Variants in AGPAT2 observed in about 807,000 individuals in gnomAD.
AGPAT2 encodes 1-acyl-sn-glycerol-3-phosphate acyltransferase beta.
Under a neutral mutation model 26.1 loss-of-function variants are expected in AGPAT2, and 18 were observed. The ratio of observed to expected loss-of-function variants is 0.69; its 90% CI spans 0.48 to 1.02. The LOEUF is 1.02. AGPAT2 is among the 50% of genes least tolerant of loss of function. The pLI, the probability that AGPAT2 is intolerant of heterozygous loss-of-function variation, is 0.00. For missense variants in AGPAT2, 415 were observed against 394.9 expected (o/e 1.05, Z -0.43); for synonymous variants, 200 against 174.2 (o/e 1.15, Z -1.16).
chr9:136,677,178 A>C (rs1218509292), intron 2 of AGPAT2, 42 bp from the exon 3 acceptor site: 1 of 1,606,922 alleles, frequency 6.2e-7, no homozygotes, highest in Non-Finnish European at 8.5e-7. Flanking sequence ...AGGGGGAGAC[A>C]GCGTGCGCTG....
rs758156274 is a variant in AGPAT2, at chr9:136,677,013, C to T, written c.440G>A (p.Ser147Asn). 3.2e-6 allele frequency: 5 copies of T among 1,580,614 alleles called. No homozygotes were observed. The highest frequency in any genetic ancestry group is 1.4e-5 in the African/African-American group (1 of 73,768). ...GTCGGCCATCACTGTCATGGCAGTG[C>T]TAGAGCGCTGCCGGTTGATGAAGAA... ...GVFFINRQRS[S>N]TAMTVMADLG... The change falls in exon 3 of 6, where the codon AGC becomes AAC. Residue 147 changes from serine (S) to asparagine (N), a missense_variant. Ser to Asn is a conservative substitution (Grantham distance 46). Transcript: ENST00000371696.
At chr9:136,674,861 C>G in intron 4 of AGPAT2, 54 bp from the exon 5 acceptor site, 3 of 1,339,784 alleles carry the variant, frequency 2.2e-6, no homozygotes, top group Non-Finnish European at 3.0e-6. Context: ...GCCAGGCACA[C>G]CCCAGGCTGC....
Position 136,687,387 on chromosome 9 carries a change from A to AGTTC in AGPAT2, c.-31_-30insGAAC. 2 of 1,428,274 alleles carry AGTTC rather than the reference A, an allele frequency of 1.4e-6. No individual in the cohort carries two copies. The highest frequency in any genetic ancestry group is 1.8e-6 in the Non-Finnish European group (2 of 1,098,072). The allele number at this position is 1,428,274 out of a possible 1,614,324, so 88.5% of individuals were successfully genotyped here. The stretch of plus-strand genomic sequence containing the variant: ...CGGCCCGGCGCCCGACGGCGCCGCC[A>AGTTC]GCTCGCTCCCGCTCCCGCTCCCGCT... On this transcript the variant is annotated 5_prime_UTR_variant, in exon 1 of 6. Transcript: ENST00000371696.
intron 5 of AGPAT2, among the ~76,000 whole-genome samples, chr9:136,674,362 G>A (rs1846060312): frequency 6.6e-6 from 1 of 152,124 alleles, no homozygotes. Context: ...AAGAGGTCAT[G>A]AGCCCCGCAG....
chr9:136,675,428 G>GGAGCAGGGAGGGAGGGGGC, intron 4 of AGPAT2, among the ~76,000 whole-genome samples: 1 of 46,920 alleles, frequency 2.1e-5, no homozygotes, highest in Non-Finnish European at 5.6e-5. Context: ...CTGGGGACTG[G>GGAGCAGGGAGGGAGGGGGC]CAGCAGGAAG....
Position 136,687,281 on chromosome 9 carries a change from A to G in AGPAT2, c.77T>C (p.Phe26Ser). 1 of 1,585,902 alleles carries G rather than the reference A, an allele frequency of 6.3e-7. No individual in the cohort carries two copies. The highest frequency in any genetic ancestry group is 8.5e-7 in the Non-Finnish European group (1 of 1,170,468). Residue 26 changes from phenylalanine (F) to serine (S), a missense_variant, in exon 1 of 6, where the codon TTC becomes TCC. Phe to Ser is a radical substitution (Grantham distance 155, BLOSUM62 -2). Coordinates refer to ENST00000371696, the MANE Select transcript of AGPAT2 (RefSeq NM_006412.4). ...LLVQLSRAAE[F>S]YAKVALYCAL... ...GCAGTACAGGGCGACCTTGGCGTAG[A>G]ACTCGGCCGCGCGGCTCAGCTGCAC...
At chr9:136,674,326 C>T (rs1846059578) in intron 5 of AGPAT2, among the ~76,000 whole-genome samples, 1 of 152,158 alleles carries the variant, frequency 6.6e-6, no homozygotes, top group Admixed American at 6.5e-5. Flanking sequence ...CAGGTGCCCA[C>T]GTTCTGGGAA....
intron 1 of AGPAT2, among the ~76,000 whole-genome samples, chr9:136,682,270 C>T (rs1041823006): frequency 7.2e-5 from 11 of 152,190 alleles, no homozygotes; most frequent in East Asian, 3.9e-4. Flanking sequence ...GAGCTTGCTC[C>T]GGCCTCCCCC....
rs1846127838 is a variant in AGPAT2 at position 136,679,020 on chromosome 9, C to G, written c.183-1464G>C. ...CTGCCGACCTCGGCCTCCCAAAGTG[C>G]TGGGCTTACAGGCCTGAGCCAACTC... On this transcript the variant is annotated intron_variant, in intron 1 of 5. Coordinates refer to ENST00000371696, the MANE Select transcript of AGPAT2 (RefSeq NM_006412.4). 1.3e-5 allele frequency among the ~76,000 whole-genome samples: 2 copies of G among 152,170 alleles called. 1 individual carries two copies. The highest frequency in any genetic ancestry group is 4.1e-4 in the South Asian group (2 of 4,830).
At chr9:136,678,968 G>A (rs184661144) in intron 1 of AGPAT2, among the ~76,000 whole-genome samples, 2 of 152,244 alleles carry the variant, frequency 1.3e-5, no homozygotes, top group African/African-American at 4.8e-5. Flanking sequence ...TGGCCAGGCT[G>A]GTCTCGAACT....
intron 2 of AGPAT2, 107 bp downstream of exon 2, chr9:136,677,316 C>T: frequency 6.4e-7 from 1 of 1,572,226 alleles, no homozygotes; most frequent in East Asian, 2.3e-5. Context: ...CGAGCTCGCC[C>T]AGGCACAGGC....
chr9:136,678,220 G>A (rs1846117834), intron 1 of AGPAT2, among the ~76,000 whole-genome samples: 1 of 152,184 alleles, frequency 6.6e-6, no homozygotes, highest in African/African-American at 2.4e-5. Context: ...CAGAGCCAGG[G>A]TCTGGGCCAC....
At chr9:136,684,833 TC>T (rs745663852) in intron 1 of AGPAT2, among the ~76,000 whole-genome samples, 2 of 152,150 alleles carry the variant, frequency 1.3e-5, no homozygotes, top group Non-Finnish European at 2.9e-5. Flanking sequence ...GAATCCCTGT[TC>T]CTGAGGCTGG....
intron 1 of AGPAT2, among the ~76,000 whole-genome samples, chr9:136,681,179 G>A (rs922275909): frequency 1.3e-5 from 2 of 151,778 alleles, no homozygotes; most frequent in South Asian, 2.1e-4. Flanking sequence ...TGAAAGACAC[G>A]GGGTACAAAC....
intron 1 of AGPAT2, among the ~76,000 whole-genome samples, chr9:136,678,530 C>T (rs545976298): frequency 6.6e-6 from 1 of 152,148 alleles, no homozygotes; most frequent in South Asian, 2.1e-4. Flanking sequence ...GGTGGATGGC[C>T]GGGGCAAGGC....
At chr9:136,674,608 C>A (rs550611133) in intron 5 of AGPAT2, 127 bp downstream of exon 5, 1 of 609,974 alleles carries the variant, frequency 1.6e-6, no homozygotes, top group South Asian at 4.1e-5. Flanking sequence ...GTCACTCATT[C>A]GCCACATGGT....
intron 1 of AGPAT2, among the ~76,000 whole-genome samples, chr9:136,686,849 C>T (rs940818200): frequency 6.6e-6 from 1 of 152,264 alleles, no homozygotes; most frequent in Non-Finnish European, 1.5e-5. Flanking sequence ...GACCGGCCCC[C>T]TTTCTCTCCG....
chr9:136,683,597 G>C (rs1846188209), intron 1 of AGPAT2, among the ~76,000 whole-genome samples: 1 of 152,232 alleles, frequency 6.6e-6, no homozygotes, highest in Non-Finnish European at 1.5e-5. Context: ...GGGTCCATAG[G>C]GGTGCGGGGT....
chr9:136,682,096 G>A (rs975567319), intron 1 of AGPAT2, among the ~76,000 whole-genome samples: 1 of 152,190 alleles, frequency 6.6e-6, no homozygotes, highest in Non-Finnish European at 1.5e-5. Flanking sequence ...AGGCCACACA[G>A]CAGGGAAGCC....
Sources: allele counts gnomAD v4.1 joint callset (sites outside exome capture counted in the v4.1 genomes callset), GRCh38; gene constraint gnomAD v4.1.1; transcripts MANE v1.5; gene names NCBI Gene and HGNC (gene_info 2026-07-23, HGNC 2026-07-21).